Variants in LRRC9 observed in about 807,000 individuals in gnomAD.
LRRC9 encodes the protein leucine rich repeat containing 9.
A neutral mutation model predicts 63.2 loss-of-function variants in LRRC9; 122 were observed. That is an observed-to-expected ratio of 1.93 (90% CI 1.67 to 2.24). LRRC9 has a LOEUF of 2.24. Ranked by LOEUF, LRRC9 falls within the 30% of genes most tolerant of loss-of-function variation. LRRC9 has a pLI of 0.00. For missense variants in LRRC9, 1,071 were observed against 627.7 expected (o/e 1.71, Z -7.55); for synonymous variants, 366 against 213.1 (o/e 1.72, Z -6.25).
intron 1 of LRRC9, among the ~76,000 whole-genome samples, chr14:59,921,006 G>A (rs1888725730): frequency 1.3e-5 from 2 of 152,196 alleles, no homozygotes; most frequent in Non-Finnish European, 2.9e-5. Context: ...CAAAGAGTAT[G>A]TGCAAGCCCT....
At chr14:59,984,916 T>A (rs761916219) in intron 16 of LRRC9, among the ~76,000 whole-genome samples, 189 bp from the exon 17 acceptor site, 1 of 152,220 alleles carries the variant, frequency 6.6e-6, no homozygotes, top group Admixed American at 6.5e-5. Flanking sequence ...AAATTATTTA[T>A]CTTTTAACAT....
chr14:59,985,529 T>C (rs966323824), intron 17 of LRRC9, among the ~76,000 whole-genome samples: 1 of 152,198 alleles, frequency 6.6e-6, no homozygotes, highest in Non-Finnish European at 1.5e-5. Flanking sequence ...CTGGGCACAC[T>C]GCCCAGGAGT....
At chr14:60,048,762 G>A (rs987125523) in intron 29 of LRRC9, among the ~76,000 whole-genome samples, 2 of 152,150 alleles carry the variant, frequency 1.3e-5, no homozygotes, top group Non-Finnish European at 2.9e-5. Context: ...AATTGAAAAG[G>A]AGGGTCTCCA....
downstream of LRRC9, among the ~76,000 whole-genome samples, chr14:60,065,257 G>A (rs7151719): frequency 0.017 from 2,652 of 151,982 alleles, 96 homozygotes; most frequent in African/African-American, 0.062. Flanking sequence ...GTGTGCTCCT[G>A]TAGTCCCAGC....
intron 29 of LRRC9, among the ~76,000 whole-genome samples, chr14:60,039,811 G>C (rs553380457): frequency 2.0e-4 from 30 of 152,070 alleles, no homozygotes; most frequent in African/African-American, 6.8e-4. Flanking sequence ...GCTAGCTTTT[G>C]AACGTGTTTG....
exon 14 of LRRC9, chr14:59,977,333 G>A (rs756215389): frequency 4.4e-5 from 30 of 687,564 alleles, no homozygotes; most frequent in South Asian, 3.4e-4. Flanking sequence ...TTCATTCCTC[G>A]GAAATATTTA....
intron 17 of LRRC9, among the ~76,000 whole-genome samples, chr14:59,994,390 G>A (rs1594969972): frequency 1.3e-5 from 2 of 152,270 alleles, no homozygotes; most frequent in East Asian, 3.9e-4. Flanking sequence ...TGGAGAAATA[G>A]GAACACTTTT....
intron 29 of LRRC9, among the ~76,000 whole-genome samples, chr14:60,049,262 T>C (rs1036525814): frequency 6.6e-6 from 1 of 152,124 alleles, no homozygotes; most frequent in African/African-American, 2.4e-5. Context: ...GCGTTTAAGG[T>C]TAGTATTGTT....
At chr14:59,973,333 G>A (rs781286816) in intron 12 of LRRC9, 1 of 151,970 alleles carries the variant, frequency 6.6e-6, no homozygotes, top group Non-Finnish European at 1.5e-5. Context: ...AGACTACACT[G>A]TAGCCTTACA....
chr14:60,018,911 A>C (rs1040753900), intron 25 of LRRC9, among the ~76,000 whole-genome samples: 1 of 151,940 alleles, frequency 6.6e-6, no homozygotes, highest in African/African-American at 2.4e-5. Context: ...AAAGTTGAGG[A>C]GTTTTCTAGG....
At position 60,050,839 on chromosome 14, in the gene LRRC9, T is replaced by G. The variant is rs146444373; in HGVS notation, c.3991-2226T>G. 2.7e-3 allele frequency among the ~76,000 whole-genome samples: 408 copies of G among 152,356 alleles called. 1 individual carries two copies. Among genetic ancestry groups the G allele is most frequent in the African/African-American group, 9.3e-3 (385 of 41,586 alleles). On this transcript the variant is annotated intron_variant, in intron 29 of 31. Transcript: ENST00000445360. Reference sequence around the variant, plus strand: ...TAATTATTAGCAACCATAGGGCTGCTGCAGTTTGCTGGGGGTCCACCGCAG... The same window carrying G: ...TAATTATTAGCAACCATAGGGCTGCGGCAGTTTGCTGGGGGTCCACCGCAG...
intron 14 of LRRC9, 105 bp downstream of exon 14, chr14:59,977,452 G>A (rs551678621): frequency 3.2e-5 from 18 of 555,250 alleles, no homozygotes; most frequent in Non-Finnish European, 5.4e-5. Context: ...AAAGTTTGTA[G>A]AATTTTCTAC....
intron 8 of LRRC9, among the ~76,000 whole-genome samples, chr14:59,959,339 A>G (rs1230395274): frequency 1.3e-5 from 2 of 152,188 alleles, no homozygotes; most frequent in East Asian, 1.9e-4. Context: ...GTGCACCCCT[A>G]TATATATGCT....
chr14:60,000,441 T>C (rs1232688185), intron 19 of LRRC9, among the ~76,000 whole-genome samples: 1 of 152,046 alleles, frequency 6.6e-6, no homozygotes, highest in Non-Finnish European at 1.5e-5. Flanking sequence ...GAATCTAAAA[T>C]GAAATTAAGA....
At chr14:59,952,279 C>T (rs866823252) in intron 8 of LRRC9, among the ~76,000 whole-genome samples, 10 of 152,208 alleles carry the variant, frequency 6.6e-5, no homozygotes, top group Admixed American at 1.3e-4. Flanking sequence ...GCGTCCGTCA[C>T]GCCTTTCTTT....
chr14:60,064,691 T>C (rs529503390), downstream of LRRC9, among the ~76,000 whole-genome samples: 3 of 152,226 alleles, frequency 2.0e-5, no homozygotes, highest in African/African-American at 7.2e-5. Flanking sequence ...GTCCAGAAGA[T>C]GTCTTTGTTG....
chr14:59,953,787 G>C (rs985476792), intron 8 of LRRC9, among the ~76,000 whole-genome samples: 11 of 152,116 alleles, frequency 7.2e-5, no homozygotes, highest in African/African-American at 2.7e-4. Flanking sequence ...GGTTTTTATG[G>C]TTTTGGGTTT....
exon 19 of LRRC9, chr14:59,999,144 T>C (rs777033789): frequency 2.9e-6 from 2 of 701,048 alleles, no homozygotes; most frequent in Non-Finnish European, 5.2e-6. Context: ...TTAAAGACTC[T>C]TACCCATTTA....
chr14:59,935,140 A>G (rs1008003734), intron 6 of LRRC9, among the ~76,000 whole-genome samples: 2 of 151,076 alleles, frequency 1.3e-5, no homozygotes, highest in Non-Finnish European at 3.0e-5. Flanking sequence ...AAAAAAAAAA[A>G]AAAATAGCCA....
Sources: gnomAD v4.1 joint callset for allele counts (sites outside exome capture counted in the v4.1 genomes callset) on GRCh38, gnomAD v4.1.1 for gene constraint, MANE v1.5 for transcripts, NCBI Gene and HGNC (gene_info 2026-07-23, HGNC 2026-07-21) for gene names.